Variants in COLEC12 observed in about 807,000 individuals in gnomAD.
COLEC12 encodes collectin-12.
In COLEC12, 33 loss-of-function variants were observed where a neutral mutation model predicts 71.1. The observed-to-expected ratio is 0.46, with a 90% confidence interval of 0.35 to 0.62. The LOEUF is 0.62. Among genes scored for constraint, COLEC12 ranks in the 20% least tolerant of loss-of-function variants. COLEC12 has a pLI of 0.00. For missense variants in COLEC12, 765 were observed against 916.1 expected (o/e 0.84, Z 2.13); for synonymous variants, 350 against 353.0 (o/e 0.99, Z 0.10).
chr18:385,358 T>C (rs1198512555), intron 2 of COLEC12, among the ~76,000 whole-genome samples: 7 of 141,992 alleles, frequency 4.9e-5, no homozygotes, highest in Non-Finnish European at 1.0e-4. Flanking sequence ...AGAGTCTCGC[T>C]CTGTTGCCCA....
chr18:379,590 C>G (rs1915187985), intron 2 of COLEC12, among the ~76,000 whole-genome samples: 1 of 152,034 alleles, frequency 6.6e-6, no homozygotes, highest in Non-Finnish European at 1.5e-5. Flanking sequence ...TCAGTGTGAT[C>G]ACAATTTATT....
At chr18:477,635 C>T (rs772718908) in intron 2 of COLEC12, among the ~76,000 whole-genome samples, 5 of 152,156 alleles carry the variant, frequency 3.3e-5, no homozygotes, top group Non-Finnish European at 7.4e-5. Context: ...CCCCAAATCT[C>T]GGGAGAGTGA....
At chr18:389,559 A>G (rs1220313937) in intron 2 of COLEC12, among the ~76,000 whole-genome samples, 1 of 151,726 alleles carries the variant, frequency 6.6e-6, no homozygotes, top group East Asian at 1.9e-4. Context: ...ATTACTATGC[A>G]TGAGCCACCG....
At chr18:345,214 G>A (rs1399848677) in intron 5 of COLEC12, among the ~76,000 whole-genome samples, 2 of 152,164 alleles carry the variant, frequency 1.3e-5, no homozygotes, top group Non-Finnish European at 2.9e-5. Context: ...TCTTCCACCA[G>A]TACTTTCAAC....
chr18:436,243 G>A lies in COLEC12; in HGVS notation c.58+44464C>T, dbSNP rs149045545. 7.3e-3 allele frequency among the ~76,000 whole-genome samples: 1,116 copies of A among 152,322 alleles called. 12 individuals carry two copies. The highest frequency in any genetic ancestry group is 0.026 in the African/African-American group (1,063 of 41,568). On this transcript the variant is annotated intron_variant, in intron 2 of 9. Transcript: ENST00000400256. The stretch of plus-strand genomic sequence containing the variant: ...GGGCAAAGCGGGGCCAGGCGCAGTG[G>A]CTCACGCCTGTAATCCCAACACTTT...
intron 1 of COLEC12, among the ~76,000 whole-genome samples, chr18:491,168 C>T (rs1917613117): frequency 6.6e-6 from 1 of 152,208 alleles, no homozygotes; most frequent in African/African-American, 2.4e-5. Flanking sequence ...GCCATCAGGA[C>T]CCCTGAGTCT....
At chr18:337,923 T>C (rs1914155927) in intron 5 of COLEC12, among the ~76,000 whole-genome samples, 1 of 152,176 alleles carries the variant, frequency 6.6e-6, no homozygotes, top group Non-Finnish European at 1.5e-5. Flanking sequence ...CTCTCTGTCT[T>C]TTTTGGAAGG....
At chr18:368,814 C>T (rs144589696) in intron 2 of COLEC12, among the ~76,000 whole-genome samples, 4,935 of 152,226 alleles carry the variant, frequency 0.032, 95 homozygotes, top group South Asian at 0.07. Flanking sequence ...TGCAGTGAGC[C>T]GAGATCACGT....
chr18:385,908 A>G (rs12960958), intron 2 of COLEC12, among the ~76,000 whole-genome samples: 53,206 of 151,734 alleles, frequency 0.35, 9,525 homozygotes, highest in Admixed American at 0.44. Context: ...GTCAGAATGT[A>G]TCTAGGGGAG....
chr18:477,402 G>A (rs910813940), intron 2 of COLEC12, among the ~76,000 whole-genome samples: 24 of 151,870 alleles, frequency 1.6e-4, no homozygotes, highest in Non-Finnish European at 2.5e-4. Context: ...GTCTAAATTC[G>A]GGTTGTGTTT....
intron 8 of COLEC12, among the ~76,000 whole-genome samples, chr18:322,075 G>A (rs1913719252): frequency 6.6e-6 from 1 of 152,148 alleles, no homozygotes; most frequent in South Asian, 2.1e-4. Flanking sequence ...GAATGCAGAG[G>A]GAGCGAATCT....
intron 1 of COLEC12, among the ~76,000 whole-genome samples, chr18:482,018 C>T (rs576207117): frequency 5.3e-5 from 8 of 152,094 alleles, no homozygotes; most frequent in South Asian, 4.2e-4. Flanking sequence ...TCATCACCCA[C>T]GTAGTGAGCA....
At chr18:361,590 C>T (rs182407418) in intron 2 of COLEC12, among the ~76,000 whole-genome samples, 2 of 152,168 alleles carry the variant, frequency 1.3e-5, no homozygotes, top group Non-Finnish European at 2.9e-5. Context: ...CACACACGGA[C>T]CAGCGCATAA....
intron 5 of COLEC12, among the ~76,000 whole-genome samples, chr18:343,660 G>A (rs764772322): frequency 1.3e-5 from 2 of 152,122 alleles, no homozygotes; most frequent in Non-Finnish European, 2.9e-5. Flanking sequence ...CGTAGGGAGG[G>A]GCACACACTT....
chr18:414,318 G>A (rs1036156058), intron 2 of COLEC12, among the ~76,000 whole-genome samples: 12 of 152,110 alleles, frequency 7.9e-5, no homozygotes, highest in East Asian at 1.9e-4. Context: ...GGTCGGGCGC[G>A]GTGGCTCACA....
intron 4 of COLEC12, 114 bp from the exon 5 acceptor site, chr18:347,455 G>A: frequency 2.4e-6 from 2 of 839,778 alleles, no homozygotes; most frequent in Non-Finnish European, 3.8e-6. Context: ...TGCAAAATTG[G>A]CAGTATAAGC....
chr18:420,038 C>T (rs537920787), intron 2 of COLEC12, among the ~76,000 whole-genome samples: 14 of 152,262 alleles, frequency 9.2e-5, no homozygotes, highest in African/African-American at 3.4e-4. Flanking sequence ...GAGACAGTGC[C>T]AGGCCGCCCC....
intron 2 of COLEC12, among the ~76,000 whole-genome samples, chr18:460,643 G>C (rs1349161014): frequency 6.6e-6 from 1 of 152,128 alleles, no homozygotes; most frequent in Non-Finnish European, 1.5e-5. Flanking sequence ...ACATTGACCT[G>C]CAACAAAAAG....
intron 2 of COLEC12, among the ~76,000 whole-genome samples, chr18:440,567 A>G (rs995535216): frequency 2.0e-5 from 3 of 152,296 alleles, no homozygotes; most frequent in Admixed American, 6.5e-5. Flanking sequence ...AATAGCACAT[A>G]TAGCAACAAT....
Sources: allele counts gnomAD v4.1 joint callset (sites outside exome capture counted in the v4.1 genomes callset), GRCh38; gene constraint gnomAD v4.1.1; transcripts MANE v1.5; gene names NCBI Gene and HGNC (gene_info 2026-07-23, HGNC 2026-07-21).